TBC1D32: variants seen among roughly 807,000 people sequenced by gnomAD.
TBC1D32 encodes the protein TBC1 domain family member 32, also known as protein broad-minded.
In TBC1D32, 151 loss-of-function variants were observed where a neutral mutation model predicts 170.3. The observed-to-expected ratio is 0.89, with a 90% CI of 0.78 to 1.01. The LOEUF (loss-of-function observed/expected upper bound fraction) is 1.01. Among genes scored for constraint, TBC1D32 ranks in the 50% least tolerant of loss-of-function variants. The pLI, the probability that TBC1D32 is intolerant of heterozygous loss-of-function variation, is 0.00. For missense variants in TBC1D32, 1,464 were observed against 1,457.1 expected, an observed-to-expected ratio of 1.00 and a Z score of -0.08; for synonymous variants, 498 against 488.0, an observed-to-expected ratio of 1.02 and a Z score of -0.27.
chr6:121,331,233 G>GTC (rs549032094), intron 1 of TBC1D32, among the ~76,000 whole-genome samples: 8 of 152,142 alleles, frequency 5.3e-5, no homozygotes, highest in South Asian at 4.2e-4. Flanking sequence ...TTGAGACGGA[G>GTC]TCTCTCTCTC....
intron 22 of TBC1D32, among the ~76,000 whole-genome samples, chr6:121,182,683 A>C (rs1051829486): frequency 2.0e-5 from 3 of 152,064 alleles, no homozygotes; most frequent in African/African-American, 7.2e-5. Flanking sequence ...GTTATGTTAT[A>C]TCCACCAATC....
chr6:121,258,781 C>CT (rs1799382403), intron 15 of TBC1D32, among the ~76,000 whole-genome samples: 2 of 152,066 alleles, frequency 1.3e-5, no homozygotes, highest in South Asian at 4.1e-4. Context: ...CTTTTATAGA[C>CT]AGCTCAGTGC....
chr6:121,304,413 T>C lies in TBC1D32; in HGVS notation c.887A>G (p.Asn296Ser), dbSNP rs572804128. 66 of 1,613,466 alleles carry C rather than the reference T, an allele frequency of 4.1e-5. No individual in the cohort carries two copies. In the South Asian group the frequency reaches 6.7e-4, roughly 16 times the overall value. Residue 296 changes from asparagine (N) to serine (S), a missense_variant, in exon 8 of 32, where the codon AAT becomes AGT. Physicochemically the swap from Asn to Ser is conservative, Grantham distance 46. This residue lies in a region of TBC1D32 where 1,363 missense variants were observed against 1,338.1 expected (regional missense o/e 1.02). Transcript: ENST00000398212. Reference protein sequence around the residue: ...TRLLKKVRLLNEYQKEAPSFW... With the variant: ...TRLLKKVRLLSEYQKEAPSFW... ...AGATGGAGCTTCTTTCTGATATTCA[T>C]TTAGAAGACGAACCTACAAAGCAGT...
intron 22 of TBC1D32, among the ~76,000 whole-genome samples, chr6:121,185,688 C>T (rs1344910689): frequency 6.6e-6 from 1 of 152,108 alleles, no homozygotes; most frequent in Non-Finnish European, 1.5e-5. Context: ...CAAAACTTCA[C>T]ATCCTTGGCT....
At position 121,131,703 on chromosome 6, in the gene TBC1D32, T is replaced by C; in HGVS notation, c.2823A>G (p.Gln941=). The change falls in exon 25 of 32, where the codon CAA becomes CAG. Residue 941 remains glutamine (Q), a synonymous_variant. Coordinates refer to ENST00000398212, the MANE Select transcript of TBC1D32 (RefSeq NM_152730.6). The part of the protein sequence containing the change: ...LLLCLKISDK[Q]TEWIENCQRQ... Reference sequence around the variant, plus strand: ...TTTGGCAGTTTTCTATCCATTCAGTTTGTTTATCAGATATTTTGAGGCATA... The same window carrying C: ...TTTGGCAGTTTTCTATCCATTCAGTCTGTTTATCAGATATTTTGAGGCATA... 6.2e-7 allele frequency: 1 copy of C among 1,609,800 alleles called. No individual in the cohort carries two copies. The highest frequency in any genetic ancestry group is 8.5e-7 in the Non-Finnish European group (1 of 1,177,394).
chr6:121,285,000 A>G (rs1803574020), intron 12 of TBC1D32, among the ~76,000 whole-genome samples: 1 of 152,170 alleles, frequency 6.6e-6, no homozygotes, highest in Non-Finnish European at 1.5e-5. Flanking sequence ...ACAATCAATG[A>G]GAAGAAAAGA....
intron 17 of TBC1D32, among the ~76,000 whole-genome samples, chr6:121,242,628 T>C (rs1797124474): frequency 6.6e-6 from 1 of 152,126 alleles, no homozygotes; most frequent in Non-Finnish European, 1.5e-5. Context: ...ATCCACACAC[T>C]AATTTCCTTC....
At chr6:121,271,412 A>G (rs563458726) in intron 15 of TBC1D32, among the ~76,000 whole-genome samples, 1 of 152,322 alleles carries the variant, frequency 6.6e-6, no homozygotes, top group East Asian at 1.9e-4. Context: ...AACTTCAGCA[A>G]AGTCTCAGGA....
chr6:121,329,756 T>G (rs1810966984), intron 1 of TBC1D32, among the ~76,000 whole-genome samples: 1 of 152,080 alleles, frequency 6.6e-6, no homozygotes, highest in Non-Finnish European at 1.5e-5. Context: ...TTATTAGTGG[T>G]TATGAATTGT....
chr6:121,154,650 G>A (rs1421578114), intron 24 of TBC1D32, among the ~76,000 whole-genome samples: 3 of 152,074 alleles, frequency 2.0e-5, no homozygotes, highest in Middle Eastern at 3.2e-3. Flanking sequence ...AAAACTTATG[G>A]CTAAGTTCCC....
At chr6:121,212,979 G>A (rs534074785) in intron 21 of TBC1D32, among the ~76,000 whole-genome samples, 2 of 152,184 alleles carry the variant, frequency 1.3e-5, no homozygotes, top group African/African-American at 4.8e-5. Flanking sequence ...ATGCAGAAAA[G>A]GCTTTCAATA....
intron 12 of TBC1D32, among the ~76,000 whole-genome samples, chr6:121,289,845 C>T (rs138179273): frequency 4.3e-4 from 65 of 152,108 alleles, no homozygotes; most frequent in African/African-American, 1.5e-3. Flanking sequence ...AATAATGCCG[C>T]ATATCTACAA....
chr6:121,299,359 C>T (rs1806118532), intron 10 of TBC1D32, 87 bp downstream of exon 10: 2 of 1,359,088 alleles, frequency 1.5e-6, no homozygotes, highest in Non-Finnish European at 2.0e-6. Context: ...TTAATTATCA[C>T]CACACAACTT....
At chr6:121,205,788 G>A (rs1792174367) in intron 21 of TBC1D32, among the ~76,000 whole-genome samples, 1 of 152,126 alleles carries the variant, frequency 6.6e-6, no homozygotes, top group Non-Finnish European at 1.5e-5. Flanking sequence ...AGCTCCCTGT[G>A]ATGTTCCAGT....
At chr6:121,204,106 G>T (rs2128303130) in intron 22 of TBC1D32, among the ~76,000 whole-genome samples, 1 of 108,592 alleles carries the variant, frequency 9.2e-6, no homozygotes, top group Non-Finnish European at 2.2e-5. Context: ...TTCTACTGTA[G>T]TTTTTCCTAG....
At chr6:121,314,746 T>A (rs1015455634) in intron 3 of TBC1D32, among the ~76,000 whole-genome samples, 1 of 152,086 alleles carries the variant, frequency 6.6e-6, no homozygotes, top group African/African-American at 2.4e-5. Flanking sequence ...TCAGAGGTAA[T>A]CCTCTAATTT....
chr6:121,268,569 T>C (rs1040547414), intron 15 of TBC1D32, among the ~76,000 whole-genome samples: 1 of 152,018 alleles, frequency 6.6e-6, no homozygotes, highest in Non-Finnish European at 1.5e-5. Flanking sequence ...AGAAAAGGAC[T>C]AAAAAGAAAT....
At chr6:121,162,223 GTT>G (rs2128246015) in intron 22 of TBC1D32, among the ~76,000 whole-genome samples, 1 of 152,222 alleles carries the variant, frequency 6.6e-6, no homozygotes, top group Non-Finnish European at 1.5e-5. Context: ...CAGTTTTTGT[GTT>G]TGTTGCCATT....
chr6:121,304,229 T>G (rs1806968114), intron 8 of TBC1D32, 136 bp downstream of exon 8: 1 of 672,078 alleles, frequency 1.5e-6, no homozygotes, highest in East Asian at 2.9e-5. Flanking sequence ...TGAAGAAAAA[T>G]AAAAATAAAA....
Sources: allele counts gnomAD v4.1 joint callset (sites outside exome capture counted in the v4.1 genomes callset), GRCh38; gene constraint gnomAD v4.1.1; regional missense constraint gnomAD v4.1.1; transcripts MANE v1.5; gene names NCBI Gene and HGNC (gene_info 2026-07-23, HGNC 2026-07-21).